KIAA0586: variants seen among roughly 807,000 people sequenced by gnomAD.
The protein encoded by KIAA0586 is KIAA0586.
KIAA0586 carries 144 observed loss-of-function variants against 169.8 expected under a neutral mutation model. The observed-to-expected ratio is 0.85, with a 90% CI of 0.74 to 0.97. KIAA0586 has a LOEUF of 0.97. KIAA0586 is among the 50% of genes least tolerant of loss of function. The pLI is 0.00. For synonymous variants in KIAA0586, 625 were observed against 612.4 expected (o/e 1.02, Z -0.30); for missense variants, 1,854 against 1,823.0 (o/e 1.02, Z -0.31).
In KIAA0586 at chr14:58,512,619, A is replaced by C; in HGVS notation, c.4421A>C (p.Gln1474Pro). 1 of 1,489,052 alleles carries C rather than the reference A, an allele frequency of 6.7e-7. No individual in the cohort carries two copies. Among genetic ancestry groups the C allele is most frequent in the Non-Finnish European group, 9.0e-7 (1 of 1,113,470 alleles). The allele number at this position is 1,489,052 out of a possible 1,614,324, so 92.2% of individuals were successfully genotyped here. ...VRNKSDIAPSQQQVSPGDMDR... is the reference protein window; with the variant it reads ...VRNKSDIAPSPQQVSPGDMDR... ...AATAAATCTGATATTGCACCTTCACAGCAACAAGGTAAGACTTGTTTTTAT... is the reference window on the plus strand; with the variant it reads ...AATAAATCTGATATTGCACCTTCACCGCAACAAGGTAAGACTTGTTTTTAT... The change falls in exon 29 of 31, where the codon CAG becomes CCG. Residue 1474 changes from glutamine (Q) to proline (P), a missense_variant. By Grantham distance (76) the Gln-to-Pro change is moderately conservative. Transcript: ENST00000652326.
intron 6 of KIAA0586, among the ~76,000 whole-genome samples, chr14:58,447,324 A>G (rs747277584): frequency 1.6e-4 from 24 of 152,094 alleles, no homozygotes; most frequent in Non-Finnish European, 2.5e-4. Context: ...GTATCAAAGT[A>G]TTTCATGTGC....
At position 58,514,213 on chromosome 14, in the gene KIAA0586, A is replaced by AT. The variant is rs2044596136; in HGVS notation, c.4429+1594dup. The stretch of plus-strand genomic sequence containing the variant: ...CCCCATAGATTTTGTGGGTTTTATT[A>AT]TTTTTTTTCTCTGATGAAACTCTGA... On this transcript the variant is annotated intron_variant, in intron 29 of 30. Transcript: ENST00000652326. Among the ~76,000 whole-genome samples, 4 of 151,876 alleles carry AT rather than the reference A, an allele frequency of 2.6e-5. No homozygotes were observed. The East Asian group carries it at 7.7e-4, about 29-fold the overall frequency.
intron 18 of KIAA0586, among the ~76,000 whole-genome samples, chr14:58,474,163 A>T (rs1460192595): frequency 6.6e-6 from 1 of 152,120 alleles, no homozygotes; most frequent in East Asian, 1.9e-4. Context: ...TTCATGAGGG[A>T]TCTGCCCCCA....
At chr14:58,442,931 A>G in intron 5 of KIAA0586, 51 bp downstream of exon 5, 1 of 1,307,294 alleles carries the variant, frequency 7.6e-7, no homozygotes, top group Non-Finnish European at 1.1e-6. Context: ...ATATAGAAGT[A>G]CTTACTAAGA....
chr14:58,482,824 C>A, intron 21 of KIAA0586, 112 bp downstream of exon 21: 2 of 783,290 alleles, frequency 2.6e-6, no homozygotes, highest in Non-Finnish European at 3.8e-6. Context: ...TTTTTAGAGA[C>A]ATGGTCTTTA....
intron 29 of KIAA0586, among the ~76,000 whole-genome samples, chr14:58,527,465 G>A (rs1436876516): frequency 6.6e-6 from 1 of 152,144 alleles, no homozygotes; most frequent in African/African-American, 2.4e-5. Context: ...GAAAGGTTGG[G>A]TTACCCACAA....
At chr14:58,496,656 AAT>A (rs1374638807) in intron 26 of KIAA0586, among the ~76,000 whole-genome samples, 8 of 152,306 alleles carry the variant, frequency 5.3e-5, no homozygotes, top group Admixed American at 3.9e-4. Flanking sequence ...GAGAATCTTG[AAT>A]GTTGAGCTAA....
At chr14:58,457,209 G>A (rs1398100970) in intron 10 of KIAA0586, among the ~76,000 whole-genome samples, 21 of 152,112 alleles carry the variant, frequency 1.4e-4, no homozygotes, top group Non-Finnish European at 1.5e-5. Flanking sequence ...TTGGTCGCTG[G>A]ACTGCTTAGC....
intron 22 of KIAA0586, 21 bp from the exon 23 acceptor site, chr14:58,487,866 C>G: frequency 1.4e-6 from 2 of 1,397,080 alleles, no homozygotes; most frequent in Non-Finnish European, 1.9e-6. Context: ...TTTTTCTGTC[C>G]TTTTAAAAAA....
chr14:58,464,358 A>T (rs1419534501), intron 14 of KIAA0586, among the ~76,000 whole-genome samples: 1 of 152,016 alleles, frequency 6.6e-6, no homozygotes, highest in Non-Finnish European at 1.5e-5. Context: ...GTATCTTCAC[A>T]TCTTGGACCT....
At chr14:58,472,380 G>C in intron 18 of KIAA0586, 101 bp downstream of exon 18, 1 of 517,854 alleles carries the variant, frequency 1.9e-6, no homozygotes, top group Non-Finnish European at 3.3e-6. Context: ...AGTGCTTTGA[G>C]ATACTTTCTT....
chr14:58,456,705 TC>T lies in KIAA0586; in HGVS notation c.1259del (p.Pro420LeufsTer6). 1 of 1,576,350 alleles carries T rather than the reference TC, an allele frequency of 6.3e-7. No individual in the cohort carries two copies. Among genetic ancestry groups the T allele is most frequent in the Non-Finnish European group, 8.7e-7 (1 of 1,153,972 alleles). On this transcript the variant is annotated frameshift_variant, in exon 10 of 31. Transcript: ENST00000652326. LOFTEE classifies it high-confidence loss of function. Reference sequence around the variant, plus strand: ...TTGAAACTCTACCTTCTCAAAGATTTCCTTCCTGTGAAGAGCTAGAAACAAC... The same window carrying T: ...TTGAAACTCTACCTTCTCAAAGATTTCTTCCTGTGAAGAGCTAGAAACAAC... The part of the protein sequence containing the change: ...GWTPEKTNRF[P>X]SCEELETTKV...
chr14:58,484,924 A>ATAAATATATATT (rs1566877360), intron 21 of KIAA0586, among the ~76,000 whole-genome samples: 27 of 13,050 alleles, frequency 2.1e-3, no homozygotes, highest in Non-Finnish European at 3.3e-3. Flanking sequence ...ATATATATAT[A>ATAAATATATATT]TTTTTTTTTT....
rs561940639 is a variant in KIAA0586 at position 58,532,156 on chromosome 14, A to G, written c.4430-7915A>G. Among the ~76,000 whole-genome samples, 7 of 152,138 alleles carry G rather than the reference A, an allele frequency of 4.6e-5. No individual in the cohort carries two copies. In the South Asian group the frequency reaches 1.5e-3, roughly 32 times the overall value. ...TATGTAACAAACCTGCACGTTCTGCATATGTATCCCAGAACTTAATGTGTA... is the reference window on the plus strand; with the variant it reads ...TATGTAACAAACCTGCACGTTCTGCGTATGTATCCCAGAACTTAATGTGTA... On this transcript the variant is annotated intron_variant, in intron 29 of 30. Coordinates refer to ENST00000652326, the MANE Select transcript of KIAA0586 (RefSeq NM_001329943.3).
Position 58,521,113 on chromosome 14 carries a change from C to T in KIAA0586, c.4429+8486C>T, listed in dbSNP as rs192866091. ...GCAGTTGGCTTCTCCACATAGTACC[C>T]GGGAATAGGAGTCTCAGAATCGAAT... On this transcript the variant is annotated intron_variant, in intron 29 of 30. Coordinates refer to ENST00000652326, the MANE Select transcript of KIAA0586 (RefSeq NM_001329943.3). The T allele has an allele frequency of 4.7e-3, 2,232 of 471,560 alleles. 8 individuals carry two copies. The highest frequency in any genetic ancestry group is 7.5e-3 in the Non-Finnish European group (1,898 of 253,336). The allele number at this position is 471,560 out of a possible 1,614,324, so 29.2% of individuals were successfully genotyped here. A position where few individuals can be genotyped will look rare whatever the true frequency, so the allele number is the denominator to read the frequency against.
chr14:58,427,631 GT>G, upstream of KIAA0586: 4 of 1,535,708 alleles, frequency 2.6e-6, no homozygotes, highest in Non-Finnish European at 3.5e-6. Flanking sequence ...CTGGTTGGAT[GT>G]TTTGGGTGAG....
Position 58,512,786 on chromosome 14 carries a change from T to C in KIAA0586, c.4429+159T>C, listed in dbSNP as rs1447605931. 2.0e-5 allele frequency among the ~76,000 whole-genome samples: 3 copies of C among 152,206 alleles called. No individual in the cohort carries two copies. The East Asian group carries it at 5.8e-4, about 29-fold the overall frequency. On this transcript the variant is annotated intron_variant, in intron 29 of 30. Coordinates refer to ENST00000652326, the MANE Select transcript of KIAA0586 (RefSeq NM_001329943.3). ...GTCCATTTACATGAAGAATCGGTAT[T>C]GTATTTGACTATGTTAGTTCTTTTT...
intron 29 of KIAA0586, among the ~76,000 whole-genome samples, chr14:58,537,989 G>C (rs1196003104): frequency 6.6e-6 from 1 of 152,012 alleles, no homozygotes; most frequent in Non-Finnish European, 1.5e-5. Context: ...TTTTAAAATT[G>C]TATCACAGTT....
intron 16 of KIAA0586, 43 bp downstream of exon 16, chr14:58,467,965 A>T: frequency 6.9e-7 from 1 of 1,446,552 alleles, no homozygotes; most frequent in Non-Finnish European, 9.3e-7. Flanking sequence ...GGAAGAAAAA[A>T]TTTTTTTGCT....
Sources: allele counts gnomAD v4.1 joint callset (sites outside exome capture counted in the v4.1 genomes callset), GRCh38; gene constraint gnomAD v4.1.1; transcripts MANE v1.5; gene names NCBI Gene and HGNC (gene_info 2026-07-23, HGNC 2026-07-21).